MLF1: variants seen among roughly 807,000 people sequenced by gnomAD.
MLF1 encodes the protein myeloid leukemia factor 1, also known as myelodysplasia-myeloid leukemia factor 1.
Under a neutral mutation model 38.3 loss-of-function variants are expected in MLF1, and 37 were observed. The ratio of observed to expected loss-of-function variants is 0.96; its 90% CI spans 0.74 to 1.27. MLF1 has a LOEUF of 1.27. MLF1 is among the 50% of genes most tolerant of loss of function. The pLI is 0.00. For synonymous variants in MLF1, 95 were observed against 106.5 expected (o/e 0.89, Z 0.66); for missense variants, 331 against 349.2 (o/e 0.95, Z 0.42).
At position 158,590,913 on chromosome 3, in the gene MLF1, A is replaced by G. The variant is rs150316868; in HGVS notation, c.48-1521A>G. On this transcript the variant is annotated intron_variant, in intron 1 of 7. Coordinates refer to ENST00000466246, the MANE Select transcript of MLF1 (RefSeq NM_001369783.1). ...GCTGAATGAAAACATCTGTCTATAC[A>G]TACAAGCACAAATCCAGTTAAGCAG... is the stretch of plus-strand genomic sequence containing the variant. 1,893 of 412,946 alleles carry G rather than the reference A, an allele frequency of 4.6e-3. 11 individuals carry two copies. Among genetic ancestry groups the G allele is most frequent in the Non-Finnish European group, 6.1e-3 (1,279 of 210,926 alleles). The allele number at this position is 412,946 out of a possible 1,614,324, so 25.6% of individuals were successfully genotyped here.
At chr3:158,582,378 T>A (rs1193932799) in intron 1 of MLF1, among the ~76,000 whole-genome samples, 1 of 151,022 alleles carries the variant, frequency 6.6e-6, no homozygotes, top group Non-Finnish European at 1.5e-5. Flanking sequence ...ACGAAAGATA[T>A]AACCTGTAAT....
chr3:158,576,335 T>A (rs1715418551), intron 1 of MLF1, among the ~76,000 whole-genome samples: 1 of 152,214 alleles, frequency 6.6e-6, no homozygotes, highest in Non-Finnish European at 1.5e-5. Flanking sequence ...CTTCCTGGCA[T>A]GCAGTTCTCT....
At chr3:158,602,241 T>C (rs1056958040) in intron 6 of MLF1, among the ~76,000 whole-genome samples, 19 of 152,198 alleles carry the variant, frequency 1.2e-4, no homozygotes, top group African/African-American at 1.7e-4. Flanking sequence ...ATAATCAACA[T>C]TTTGATGAAA....
intron 7 of MLF1, among the ~76,000 whole-genome samples, chr3:158,604,696 G>A (rs7647356): frequency 0.34 from 52,367 of 151,846 alleles, 9,264 homozygotes; most frequent in Non-Finnish European, 0.38. Flanking sequence ...GTCTGGCTCT[G>A]TCGCCAGGCT....
chr3:158,601,899 C>T (rs1230952289), intron 6 of MLF1, among the ~76,000 whole-genome samples: 1 of 134,896 alleles, frequency 7.4e-6, no homozygotes, highest in Non-Finnish European at 1.5e-5. Context: ...TCACTGCAAG[C>T]TCCGCCTCCC....
intron 4 of MLF1, among the ~76,000 whole-genome samples, chr3:158,597,840 G>A (rs1370278401): frequency 6.6e-6 from 1 of 152,132 alleles, no homozygotes; most frequent in Non-Finnish European, 1.5e-5. Flanking sequence ...TGTAACGAGA[G>A]TGGGATAATT....
chr3:158,594,244 T>C (rs927978967), intron 3 of MLF1, among the ~76,000 whole-genome samples: 11 of 151,936 alleles, frequency 7.2e-5, no homozygotes, highest in African/African-American at 2.2e-4. Context: ...CCTTTTGAGG[T>C]GGGGTGGGTC....
chr3:158,593,367 A>G lies in MLF1; in HGVS notation c.196-15A>G. ...TAAATGTCATAATCAAATGAATTGG[A>G]TATTATTTTTCCAGGCAACGAGTTG... On this transcript the variant is annotated splice_polypyrimidine_tract_variant and intron_variant, in intron 2 of 7. Coordinates refer to ENST00000466246, the MANE Select transcript of MLF1 (RefSeq NM_001369783.1). 6.5e-7 allele frequency: 1 copy of G among 1,538,564 alleles called. No individual in the cohort carries two copies. Among genetic ancestry groups the G allele is most frequent in the Non-Finnish European group, 8.7e-7 (1 of 1,146,478 alleles).
chr3:158,599,752 C>A lies in MLF1; in HGVS notation c.454-262C>A, dbSNP rs372905680. 5.3e-5 allele frequency among the ~76,000 whole-genome samples: 8 copies of A among 152,122 alleles called. 1 individual carries two copies. The highest frequency in any genetic ancestry group is 3.9e-4 in the East Asian group (2 of 5,184). On this transcript the variant is annotated intron_variant, in intron 5 of 7. Transcript: ENST00000466246. Reference sequence around the variant, plus strand: ...TCTTGAAGGCATTAAACTATAATTGCTACTTTTGTTTTAATATTTGATTAC... The same window carrying A: ...TCTTGAAGGCATTAAACTATAATTGATACTTTTGTTTTAATATTTGATTAC...
chr3:158,598,800 C>T (rs1022191969), intron 5 of MLF1, among the ~76,000 whole-genome samples: 1 of 152,074 alleles, frequency 6.6e-6, no homozygotes, highest in Non-Finnish European at 1.5e-5. Flanking sequence ...CAGAGATTAC[C>T]ATTTTCCTGT....
rs2108657751 is a variant in MLF1, at chr3:158,602,694, A to G, written c.614-113A>G. 3.1e-6 allele frequency: 3 copies of G among 969,792 alleles called. No individual in the cohort carries two copies. In the East Asian group the frequency reaches 7.7e-5, roughly 25 times the overall value. The allele number at this position is 969,792 out of a possible 1,614,324, so 60.1% of individuals were successfully genotyped here. ...ATTTGAAGCAGCTTCCTGCCTCTGT[A>G]TTGAGGTTACACTAATGAAAACACC... On this transcript the variant is annotated intron_variant, in intron 6 of 7. Coordinates refer to ENST00000466246, the MANE Select transcript of MLF1 (RefSeq NM_001369783.1).
intron 1 of MLF1, among the ~76,000 whole-genome samples, chr3:158,582,469 C>G (rs1056006480): frequency 2.0e-5 from 3 of 151,982 alleles, no homozygotes; most frequent in African/African-American, 7.3e-5. Context: ...ATGTCATACA[C>G]CAAACCACAG....
chr3:158,604,391 G>T (rs556697189), intron 7 of MLF1, among the ~76,000 whole-genome samples: 5 of 152,224 alleles, frequency 3.3e-5, no homozygotes, highest in Admixed American at 3.3e-4. Context: ...CTTCGGTAAT[G>T]ACAAAAATGC....
At position 158,602,844 on chromosome 3, in the gene MLF1, G is replaced by A. The variant is rs757816819; in HGVS notation, c.651G>A (p.Glu217=). 5.5e-5 allele frequency: 88 copies of A among 1,613,562 alleles called. No homozygotes were observed. Among genetic ancestry groups the A allele is most frequent in the Non-Finnish European group, 7.2e-5 (85 of 1,179,808 alleles). ...AHAFDEEWQS[E]VLKYKPGRHN... ...CTTTTGATGAGGAGTGGCAAAGTGA[G>A]GTTTTGAAGTACAAACCAGGACGAC... The change falls in exon 7 of 8, where the codon GAG becomes GAA. Residue 217 remains glutamate (E), a synonymous_variant. Transcript: ENST00000466246.
At chr3:158,587,579 C>G (rs927027293) in intron 1 of MLF1, among the ~76,000 whole-genome samples, 8 of 152,198 alleles carry the variant, frequency 5.3e-5, no homozygotes, top group African/African-American at 1.7e-4. Context: ...CTGCTGATCC[C>G]CACTCCCTGG....
In MLF1 at chr3:158,593,435, C is replaced by A; in HGVS notation, c.240+9C>A. ...GCGATTTTGGTGGTATGGTTCGTAT[C>A]TTAAGACACAAATCATTTTAGCAAT... is the stretch of plus-strand genomic sequence containing the variant. On this transcript the variant is annotated intron_variant, in intron 3 of 7. Transcript: ENST00000466246. 2 of 1,551,152 alleles carry A rather than the reference C, an allele frequency of 1.3e-6. No individual in the cohort carries two copies. The highest frequency in any genetic ancestry group is 1.7e-6 in the Non-Finnish European group (2 of 1,154,048).
chr3:158,603,347 A>G (rs1720073138), intron 7 of MLF1, among the ~76,000 whole-genome samples: 1 of 152,230 alleles, frequency 6.6e-6, no homozygotes, highest in South Asian at 2.1e-4. Flanking sequence ...AGACTTAACA[A>G]CTTTCTTAAC....
At chr3:158,582,243 G>A (rs1025766398) in intron 1 of MLF1, among the ~76,000 whole-genome samples, 5 of 151,912 alleles carry the variant, frequency 3.3e-5, no homozygotes, top group Non-Finnish European at 5.9e-5. Flanking sequence ...AACAGCTTAG[G>A]AGAGAATCTC....
chr3:158,579,097 T>C (rs1024027699), intron 1 of MLF1, among the ~76,000 whole-genome samples: 1 of 152,154 alleles, frequency 6.6e-6, no homozygotes. Context: ...CTTAGACTCT[T>C]TGTGTACATG....
Sources: allele counts gnomAD v4.1 joint callset (sites outside exome capture counted in the v4.1 genomes callset), GRCh38; gene constraint gnomAD v4.1.1; transcripts MANE v1.5; gene names NCBI Gene and HGNC (gene_info 2026-07-23, HGNC 2026-07-21).